LRRC2: variants seen among roughly 807,000 people sequenced by gnomAD.
The protein encoded by LRRC2 is leucine rich repeat containing 2.
A neutral mutation model predicts 40.2 loss-of-function variants in LRRC2; 27 were observed. That is an observed-to-expected ratio of 0.67 (90% confidence interval 0.49 to 0.93). LRRC2 has a LOEUF of 0.93. LRRC2 is among the 40% of genes least tolerant of loss of function. The probability of loss-of-function intolerance (pLI) is 0.00; values close to 1 mark genes in which losing one functional copy is unlikely to be tolerated. For synonymous variants in LRRC2, 147 were observed against 158.9 expected (o/e 0.92, Z 0.56); for missense variants, 402 against 439.6 (o/e 0.91, Z 0.76).
At position 46,527,592 on chromosome 3, in the gene LRRC2, G is replaced by T. The variant is rs753487157; in HGVS notation, c.774-11C>A. ...TGCAGCTCCTCTAGCCTAAGAAGAG[G>T]TAAAAACAATCATAGCACTGGACTT... On this transcript the variant is annotated splice_polypyrimidine_tract_variant and intron_variant, in intron 6 of 8. Coordinates refer to ENST00000395905, the MANE Select transcript of LRRC2 (RefSeq NM_024512.5). 41 of 1,612,660 alleles carry T rather than the reference G, an allele frequency of 2.5e-5. No individual in the cohort carries two copies. In the South Asian group the frequency reaches 3.8e-4, roughly 15 times the overall value.
intron 4 of LRRC2, among the ~76,000 whole-genome samples, chr3:46,534,418 TC>T (rs2107002300): frequency 7.8e-6 from 1 of 127,682 alleles, no homozygotes; most frequent in Non-Finnish European, 1.6e-5. Flanking sequence ...TTCTTTTCCT[TC>T]CTTCCTTTCT....
At chr3:46,544,609 T>C (rs944345440) in intron 3 of LRRC2, among the ~76,000 whole-genome samples, 1 of 152,248 alleles carries the variant, frequency 6.6e-6, no homozygotes, top group African/African-American at 2.4e-5. Context: ...TGGAATTGTC[T>C]TTGCCCTGGC....
At chr3:46,551,257 G>A in intron 2 of LRRC2, 1 of 434,480 alleles carries the variant, frequency 2.3e-6, no homozygotes, top group Non-Finnish European at 4.0e-6. Flanking sequence ...CAAGGGTGGT[G>A]GGTAGGTCCT....
At chr3:46,521,305 A>G (rs1206853564) in intron 8 of LRRC2, among the ~76,000 whole-genome samples, 1 of 152,190 alleles carries the variant, frequency 6.6e-6, no homozygotes, top group Non-Finnish European at 1.5e-5. Flanking sequence ...CAAACAGTGG[A>G]TGATTCATCA....
chr3:46,553,935 C>G (rs1397864732), intron 1 of LRRC2, among the ~76,000 whole-genome samples: 1 of 152,040 alleles, frequency 6.6e-6, no homozygotes, highest in African/African-American at 2.4e-5. Flanking sequence ...CTAATTTATT[C>G]CCTTCTTTCC....
chr3:46,545,340 G>T (rs1268775826), intron 2 of LRRC2, 87 bp from the exon 3 acceptor site: 3 of 1,139,590 alleles, frequency 2.6e-6, no homozygotes, highest in Non-Finnish European at 3.8e-6. Context: ...CTGGGCATAG[G>T]TGCTCTCCTT....
chr3:46,555,774 A>G (rs187109197), intron 1 of LRRC2, among the ~76,000 whole-genome samples: 46 of 152,290 alleles, frequency 3.0e-4, no homozygotes, highest in South Asian at 6.2e-4. Context: ...ATTTATCTTG[A>G]TATTTATATG....
intron 4 of LRRC2, 137 bp downstream of exon 4, chr3:46,538,908 C>G (rs979595158): frequency 1.6e-5 from 14 of 848,882 alleles, no homozygotes; most frequent in Non-Finnish European, 2.5e-5. Context: ...CTCTGGGGAG[C>G]CTCCAAACGG....
At chr3:46,547,619 G>T (rs1446689447) in intron 2 of LRRC2, among the ~76,000 whole-genome samples, 2 of 151,768 alleles carry the variant, frequency 1.3e-5, no homozygotes, top group Non-Finnish European at 2.9e-5. Flanking sequence ...TCACACCACT[G>T]CACTCCAGCC....
intron 1 of LRRC2, among the ~76,000 whole-genome samples, chr3:46,555,306 A>T (rs1704767157): frequency 6.6e-6 from 1 of 152,064 alleles, no homozygotes; most frequent in Admixed American, 6.5e-5. Context: ...ACCAATTCTG[A>T]CTATCTCTAT....
intron 2 of LRRC2, 169 bp downstream of exon 2, chr3:46,551,298 T>C: frequency 1.5e-6 from 1 of 658,948 alleles, no homozygotes; most frequent in Non-Finnish European, 2.4e-6. Context: ...TCATAGGAAC[T>C]GCGTATTTGT....
In LRRC2 at chr3:46,527,490, C is replaced by T; in HGVS notation, c.865G>A (p.Val289Ile). ...MLNLKKLTLL[V>I]VSGDHLVELP... Reference sequence around the variant, plus strand: ...TCCACCAAATGGTCCCCACTGACGACTAACAGAGTGAGCTTCTTCAGGTTC... The same window carrying T: ...TCCACCAAATGGTCCCCACTGACGATTAACAGAGTGAGCTTCTTCAGGTTC... The change falls in exon 7 of 9, where the codon GTC becomes ATC. Residue 289 changes from valine to isoleucine, a missense_variant. Transcript: ENST00000395905. 6.2e-7 allele frequency: 1 copy of T among 1,613,980 alleles called. No individual in the cohort carries two copies. Among genetic ancestry groups the T allele is most frequent in the Non-Finnish European group, 8.5e-7 (1 of 1,179,914 alleles).
At chr3:46,530,564 C>A (rs1351693367) in intron 5 of LRRC2, among the ~76,000 whole-genome samples, 1 of 152,102 alleles carries the variant, frequency 6.6e-6, no homozygotes, top group Non-Finnish European at 1.5e-5. Context: ...AAAGACATAA[C>A]CAATACTGGG....
intron 6 of LRRC2, among the ~76,000 whole-genome samples, 153 bp from the exon 7 acceptor site, chr3:46,527,734 G>A (rs1020563231): frequency 5.5e-5 from 8 of 146,018 alleles, no homozygotes; most frequent in East Asian, 2.0e-4. Flanking sequence ...TTTGTTCTTC[G>A]TTTTTTTTTT....
At chr3:46,557,138 CA>C (rs1432510847) in intron 1 of LRRC2, among the ~76,000 whole-genome samples, 2 of 152,140 alleles carry the variant, frequency 1.3e-5, no homozygotes, top group Non-Finnish European at 2.9e-5. Flanking sequence ...TGAAGAATCA[CA>C]AAAGAAGTGA....
intron 1 of LRRC2, among the ~76,000 whole-genome samples, chr3:46,564,729 C>G (rs892211391): frequency 6.6e-6 from 1 of 152,090 alleles, no homozygotes; most frequent in African/African-American, 2.4e-5. Flanking sequence ...GCTCTCTCCT[C>G]CACACCTGCC....
At chr3:46,563,069 C>G (rs1314365949) in intron 1 of LRRC2, among the ~76,000 whole-genome samples, 4 of 152,018 alleles carry the variant, frequency 2.6e-5, no homozygotes, top group Admixed American at 2.6e-4. Flanking sequence ...TGCCCACCCA[C>G]TATGCAGATA....
chr3:46,565,349 G>A (rs972292496), intron 1 of LRRC2, among the ~76,000 whole-genome samples: 1 of 152,118 alleles, frequency 6.6e-6, no homozygotes, highest in Non-Finnish European at 1.5e-5. Context: ...CTCACAGGTT[G>A]GCGAGAACAT....
intron 7 of LRRC2, among the ~76,000 whole-genome samples, chr3:46,524,909 C>T (rs961079626): frequency 5.3e-5 from 8 of 152,082 alleles, no homozygotes; most frequent in Non-Finnish European, 7.4e-5. Flanking sequence ...CCAGTTTCTT[C>T]ATACCATATG....
Sources: allele counts gnomAD v4.1 joint callset (sites outside exome capture counted in the v4.1 genomes callset), GRCh38; gene constraint gnomAD v4.1.1; transcripts MANE v1.5; gene names NCBI Gene and HGNC (gene_info 2026-07-23, HGNC 2026-07-21).